FNBP4: variants seen among roughly 807,000 people sequenced by gnomAD.
FNBP4 encodes formin binding protein 4.
A neutral mutation model predicts 119.3 loss-of-function variants in FNBP4; 34 were observed. The observed-to-expected ratio is 0.28, with a 90% CI of 0.22 to 0.38. The LOEUF (loss-of-function observed/expected upper bound fraction) is 0.38. Among genes scored for constraint, FNBP4 ranks in the 10% least tolerant of loss-of-function variants. The pLI is 1.00. For synonymous variants in FNBP4, 462 were observed against 430.6 expected (o/e 1.07, Z -0.90); for missense variants, 1,112 against 1,228.9 (o/e 0.90, Z 1.42).
intron 12 of FNBP4, among the ~76,000 whole-genome samples, chr11:47,727,764 C>T (rs990548498): frequency 7.9e-5 from 12 of 152,340 alleles, no homozygotes; most frequent in African/African-American, 2.6e-4. Flanking sequence ...AGTTTGAATA[C>T]ACATGGATGT....
chr11:47,729,841 T>G (rs4752864), intron 12 of FNBP4: 984,436 of 985,406 alleles, frequency 1, 491,740 homozygotes, highest in East Asian at 1. Flanking sequence ...AGAACTTAGT[T>G]TAAGATTTGG....
chr11:47,754,059 GC>G (rs2097610309), intron 3 of FNBP4, among the ~76,000 whole-genome samples: 2 of 150,798 alleles, frequency 1.3e-5, no homozygotes, highest in African/African-American at 2.4e-5. Context: ...ACAAAAATCA[GC>G]TGGGTGTGGT....
chr11:47,761,763 T>A (rs944586577), intron 2 of FNBP4, among the ~76,000 whole-genome samples: 5 of 151,828 alleles, frequency 3.3e-5, no homozygotes, highest in African/African-American at 7.3e-5. Flanking sequence ...AGAAAAAAAA[T>A]TTTATTAAAA....
At chr11:47,756,273 T>C (rs1246780307) in intron 2 of FNBP4, among the ~76,000 whole-genome samples, 1 of 152,174 alleles carries the variant, frequency 6.6e-6, no homozygotes. Flanking sequence ...TATAAACACA[T>C]AAAATGTTAA....
rs867137613 is a variant in FNBP4 at position 47,719,035 on chromosome 11, C to A, written c.2963+894G>T. Among the ~76,000 whole-genome samples, 28 of 152,078 alleles carry A rather than the reference C, an allele frequency of 1.8e-4. 1 individual carries two copies. The Middle Eastern group carries it at 0.014, about 74-fold the overall frequency. ...ATTCTTCTGCCTCAGCGATTACAGG[C>A]ATTCGCCACCAGGCCCAGCTAATTT... On this transcript the variant is annotated intron_variant, in intron 16 of 16. Transcript: ENST00000263773.
chr11:47,731,341 T>C, intron 12 of FNBP4, 33 bp downstream of exon 12: 1 of 1,541,746 alleles, frequency 6.5e-7, no homozygotes, highest in Non-Finnish European at 8.7e-7. Context: ...TAAAGTCATT[T>C]TGGCTGAATT....
chr11:47,717,538 T>A, intron 16 of FNBP4, 26 bp from the exon 17 acceptor site: 4 of 1,518,356 alleles, frequency 2.6e-6, no homozygotes, highest in Non-Finnish European at 3.6e-6. Flanking sequence ...ACAGATTATT[T>A]TAGTGGAAAG....
intron 1 of FNBP4, among the ~76,000 whole-genome samples, chr11:47,766,193 A>G (rs1459625937): frequency 1.3e-5 from 2 of 152,066 alleles, no homozygotes; most frequent in African/African-American, 4.8e-5. Flanking sequence ...AGGGTCCTGT[A>G]GTCCCAGCTA....
chr11:47,743,748 G>A (rs2097585515), intron 8 of FNBP4: 2 of 578,294 alleles, frequency 3.5e-6, no homozygotes, highest in Non-Finnish European at 6.1e-6. Context: ...CCATCCAGTG[G>A]GTGTCAGCCT....
Position 47,717,106 on chromosome 11 carries a change from T to G in FNBP4, c.*316A>C. The G allele has an allele frequency of 5.1e-6, 1 of 194,592 alleles. No individual in the cohort carries two copies. The highest frequency in any genetic ancestry group is 1.0e-5 in the Non-Finnish European group (1 of 95,924). The allele number at this position is 194,592 out of a possible 1,614,324, so 12.1% of individuals were successfully genotyped here. A position where few individuals can be genotyped will look rare whatever the true frequency, so the allele number is the denominator to read the frequency against. On this transcript the variant is annotated 3_prime_UTR_variant, in exon 17 of 17. Transcript: ENST00000263773. ...TTAATTCTTCACTTTTGTCAGGGAG[T>G]CCTCTACAGAAGTGTTATACTCATG... is the stretch of plus-strand genomic sequence containing the variant.
chr11:47,764,160 C>A (rs2097641901), intron 2 of FNBP4, among the ~76,000 whole-genome samples: 1 of 152,152 alleles, frequency 6.6e-6, no homozygotes, highest in African/African-American at 2.4e-5. Context: ...GTCGCCCAGG[C>A]TGGAGTGCAG....
intron 2 of FNBP4, among the ~76,000 whole-genome samples, chr11:47,755,809 A>C (rs1233761120): frequency 7.4e-4 from 112 of 152,150 alleles, no homozygotes; most frequent in African/African-American, 2.7e-3. Flanking sequence ...AAAAAAACAA[A>C]AACAAAAAAA....
In FNBP4 at chr11:47,753,090, T is replaced by C. The variant is rs1032820088; in HGVS notation, c.463A>G (p.Ile155Val). Reference protein sequence around the residue: ...LANFLAEIDAITAPQPAAPVG... With the variant: ...LANFLAEIDAVTAPQPAAPVG... The stretch of plus-strand genomic sequence containing the variant: ...GGAGCTGCAGGCTGAGGAGCTGTTA[T>C]GGCATCGATCTCCTTCAGTATGAAA... Residue 155 changes from isoleucine to valine, a missense_variant, in exon 4 of 17, where the codon ATA becomes GTA. Around this residue, in one of 2 missense-constraint regions of FNBP4, gnomAD observed 286 missense variants for 240.1 expected, o/e 1.19. Transcript: ENST00000263773. The C allele has an allele frequency of 6.2e-7, 1 of 1,611,166 alleles. No homozygotes were observed. The highest frequency in any genetic ancestry group is 8.5e-7 in the Non-Finnish European group (1 of 1,179,192).
At chr11:47,721,273 T>A (rs911802551) in intron 15 of FNBP4, among the ~76,000 whole-genome samples, 52 of 149,828 alleles carry the variant, frequency 3.5e-4, no homozygotes, top group African/African-American at 8.9e-4. Context: ...AATAAATAAA[T>A]AAAAATAAAT....
intron 7 of FNBP4, among the ~76,000 whole-genome samples, chr11:47,745,185 AG>A (rs2097587967): frequency 6.6e-6 from 1 of 152,254 alleles, no homozygotes; most frequent in African/African-American, 2.4e-5. Flanking sequence ...AAAAGAACAG[AG>A]TAACAGTGAT....
At chr11:47,749,229 C>T (rs1259770920) in intron 6 of FNBP4, among the ~76,000 whole-genome samples, 4 of 152,078 alleles carry the variant, frequency 2.6e-5, no homozygotes, top group African/African-American at 9.7e-5. Flanking sequence ...CATGGTCGTG[C>T]CACTGTACTC....
intron 2 of FNBP4, among the ~76,000 whole-genome samples, chr11:47,759,335 C>T (rs1340096173): frequency 1.3e-5 from 2 of 151,708 alleles, no homozygotes; most frequent in Non-Finnish European, 2.9e-5. Context: ...CCTCGGTCTC[C>T]CAAGTAGCTG....
At chr11:47,766,883 A>G (rs1330444929) in intron 1 of FNBP4, among the ~76,000 whole-genome samples, 186 bp downstream of exon 1, 1 of 149,984 alleles carries the variant, frequency 6.7e-6, no homozygotes, top group African/African-American at 2.5e-5. Context: ...GCCCGGGCCG[A>G]GGGCGCAGAA....
chr11:47,718,198 G>T (rs2097551670), intron 16 of FNBP4, among the ~76,000 whole-genome samples: 1 of 151,684 alleles, frequency 6.6e-6, no homozygotes, highest in South Asian at 2.1e-4. Flanking sequence ...TACCAACAGG[G>T]ACCCTGGGAT....
Sources: allele counts gnomAD v4.1 joint callset (sites outside exome capture counted in the v4.1 genomes callset), GRCh38; gene constraint gnomAD v4.1.1; regional missense constraint gnomAD v4.1.1; transcripts MANE v1.5; gene names NCBI Gene and HGNC (gene_info 2026-07-23, HGNC 2026-07-21).